Variants in FAM81A observed in about 807,000 individuals in gnomAD.
The protein encoded by FAM81A is protein FAM81A.
In FAM81A, 19 loss-of-function variants were observed where a neutral mutation model predicts 46.7. The observed-to-expected ratio is 0.41, with a 90% CI of 0.28 to 0.60. The LOEUF is 0.60. Among genes scored for constraint, FAM81A ranks in the 20% least tolerant of loss-of-function variants. FAM81A has a pLI of 0.34. For missense variants in FAM81A, 377 were observed against 453.5 expected (o/e 0.83, Z 1.53); for synonymous variants, 183 against 152.9 (o/e 1.20, Z -1.45).
At chr15:59,402,369 G>A (rs1448143817) in intron 2 of FAM81A, 1 of 153,586 alleles carries the variant, frequency 6.5e-6, no homozygotes, top group Admixed American at 6.5e-5. Flanking sequence ...GTAACAGCAT[G>A]TGGGACGGGG....
At chr15:59,494,845 G>A (rs1596527689) in intron 4 of FAM81A, among the ~76,000 whole-genome samples, 1 of 152,122 alleles carries the variant, frequency 6.6e-6, no homozygotes, top group African/African-American at 2.4e-5. Context: ...CATTGGTGAT[G>A]TAATTAGTAG....
intron 4 of FAM81A, among the ~76,000 whole-genome samples, chr15:59,502,219 A>G (rs1450760581): frequency 2.0e-5 from 3 of 149,222 alleles, no homozygotes; most frequent in Admixed American, 2.0e-4. Context: ...TTTAGGGTAC[A>G]TGTGCACAAT....
chr15:59,476,081 A>G (rs2081763278), intron 3 of FAM81A, among the ~76,000 whole-genome samples: 2 of 152,176 alleles, frequency 1.3e-5, no homozygotes, highest in African/African-American at 2.4e-5. Flanking sequence ...GTATCCTTGC[A>G]TGGCAGAAAG....
intron 8 of FAM81A, 112 bp downstream of exon 8, chr15:59,516,952 A>G: frequency 1.0e-6 from 1 of 1,002,848 alleles, no homozygotes; most frequent in South Asian, 2.0e-5. Context: ...ATAACCGTGA[A>G]ATATCCTTAG....
intron 2 of FAM81A, among the ~76,000 whole-genome samples, chr15:59,422,017 G>A (rs1348090641): frequency 1.3e-5 from 2 of 151,930 alleles, no homozygotes; most frequent in Non-Finnish European, 2.9e-5. Context: ...ACAAAATAAG[G>A]TACATAACAG....
intron 3 of FAM81A, among the ~76,000 whole-genome samples, chr15:59,478,688 G>T (rs2081805808): frequency 6.6e-6 from 1 of 152,208 alleles, no homozygotes; most frequent in South Asian, 2.1e-4. Context: ...GTGGCGTGTT[G>T]TATGCCTTGA....
chr15:59,409,421 C>T (rs1042933456), intron 2 of FAM81A, among the ~76,000 whole-genome samples: 12 of 152,204 alleles, frequency 7.9e-5, no homozygotes, highest in Non-Finnish European at 1.5e-4. Context: ...ATACCCCCTA[C>T]TTCATGCTTC....
chr15:59,420,476 A>G (rs2081166846), intron 2 of FAM81A, among the ~76,000 whole-genome samples: 2 of 152,244 alleles, frequency 1.3e-5, no homozygotes, highest in South Asian at 4.1e-4. Flanking sequence ...AAATTAGGAC[A>G]GCTGAGTCTA....
chr15:59,520,161 C>A (rs2082312647), intron 8 of FAM81A, among the ~76,000 whole-genome samples: 1 of 151,764 alleles, frequency 6.6e-6, no homozygotes. Flanking sequence ...TTGCCCAAGA[C>A]AATTCTTTCA....
intron 1 of FAM81A, among the ~76,000 whole-genome samples, chr15:59,398,340 A>C (rs1245415143): frequency 3.3e-5 from 5 of 152,234 alleles, no homozygotes; most frequent in African/African-American, 1.2e-4. Flanking sequence ...AATTTGGATT[A>C]GGTTTTTCTG....
At chr15:59,457,938 A>G (rs1467510953) in intron 1 of FAM81A, among the ~76,000 whole-genome samples, 3 of 152,192 alleles carry the variant, frequency 2.0e-5, no homozygotes, top group Non-Finnish European at 4.4e-5. Context: ...TGGGGACCAA[A>G]TGTTCCTTAT....
At chr15:59,491,983 G>T (rs2081986433) in intron 3 of FAM81A, among the ~76,000 whole-genome samples, 2 of 151,544 alleles carry the variant, frequency 1.3e-5, no homozygotes, top group African/African-American at 4.9e-5. Flanking sequence ...AAAGAAAAAA[G>T]AAAAAAGAAA....
chr15:59,450,564 C>G (rs1486488563), intron 1 of FAM81A, among the ~76,000 whole-genome samples: 1 of 152,082 alleles, frequency 6.6e-6, no homozygotes, highest in Non-Finnish European at 1.5e-5. Context: ...AATACTTGAT[C>G]TTTTCATACT....
chr15:59,498,451 A>G (rs1454510215), intron 4 of FAM81A, among the ~76,000 whole-genome samples: 15 of 152,258 alleles, frequency 9.9e-5, no homozygotes, highest in Non-Finnish European at 1.9e-4. Context: ...TTCTACATAC[A>G]GATCATGCCA....
At chr15:59,511,577 T>A (rs2082208677) in intron 6 of FAM81A, among the ~76,000 whole-genome samples, 1 of 152,200 alleles carries the variant, frequency 6.6e-6, no homozygotes, top group South Asian at 2.1e-4. Flanking sequence ...TTGGACGTGT[T>A]CAGACCCTAG....
At chr15:59,511,152 A>T (rs1457127261) in intron 6 of FAM81A, among the ~76,000 whole-genome samples, 2 of 152,190 alleles carry the variant, frequency 1.3e-5, no homozygotes, top group Non-Finnish European at 2.9e-5. Context: ...GGTCCAAAAT[A>T]TAAGAAGAAA....
At chr15:59,456,577 TTTTG>T (rs1256771712) in intron 1 of FAM81A, among the ~76,000 whole-genome samples, 1 of 151,988 alleles carries the variant, frequency 6.6e-6, no homozygotes, top group Non-Finnish European at 1.5e-5. Context: ...AACCCATTGT[TTTTG>T]TTTGTTTGTA....
intron 2 of FAM81A, among the ~76,000 whole-genome samples, chr15:59,402,721 G>A (rs1239180523): frequency 6.7e-6 from 1 of 149,014 alleles, no homozygotes; most frequent in Non-Finnish European, 1.5e-5. Context: ...TTTGGGGGGT[G>A]GGGGGGATAT....
intron 1 of FAM81A, among the ~76,000 whole-genome samples, chr15:59,399,630 G>T (rs1567033793): frequency 6.6e-6 from 1 of 152,170 alleles, no homozygotes; most frequent in Non-Finnish European, 1.5e-5. Flanking sequence ...GAGGCCACAA[G>T]AATGAAGAAG....
Sources: gnomAD v4.1 joint callset for allele counts (sites outside exome capture counted in the v4.1 genomes callset) on GRCh38, gnomAD v4.1.1 for gene constraint, MANE v1.5 for transcripts, NCBI Gene and HGNC (gene_info 2026-07-23, HGNC 2026-07-21) for gene names.